ADGRD1: variants seen among roughly 807,000 people sequenced by gnomAD.
ADGRD1 encodes G-protein coupled receptor 133.
ADGRD1 carries 77 observed loss-of-function variants against 113.4 expected under a neutral mutation model. The ratio of observed to expected loss-of-function variants is 0.68; its 90% confidence interval spans 0.57 to 0.82. The LOEUF is 0.82. Among genes scored for constraint, ADGRD1 ranks in the 40% least tolerant of loss-of-function variants. ADGRD1 has a pLI of 0.00. For missense variants in ADGRD1, 1,036 were observed against 1,139.1 expected (o/e 0.91, Z 1.30); for synonymous variants, 474 against 475.0 (o/e 1.00, Z 0.03).
rs1192764931 is a variant in ADGRD1, at chr12:131,075,439, AGAG to A, written c.1474-1358_1474-1356del. On this transcript the variant is annotated intron_variant, in intron 13 of 24. Transcript: ENST00000261654. This position sits in a 1 kb window ranked among gnomAD's most constrained non-coding sequence, Gnocchi z 5.3. The stretch of plus-strand genomic sequence containing the variant: ...CAGCAGGCTGTGGCTTTGGGAAGAC[AGAG>A]GAGAAGATGTCTTTTCCAGGCGGTT... Among the ~76,000 whole-genome samples, 24 of 152,338 alleles carry A rather than the reference AGAG, an allele frequency of 1.6e-4. No individual in the cohort carries two copies. The highest frequency in any genetic ancestry group is 2.6e-4 in the Admixed American group (4 of 15,300).
In ADGRD1 at chr12:131,042,698, G is replaced by A. The variant is rs534898162; in HGVS notation, c.1473+28358G>A. ...CTGCGGCTCTGTCTGTCGCAGCCCAGGTGAGCCAGGAGGGGGACGCCGACC... is the reference window on the plus strand; with the variant it reads ...CTGCGGCTCTGTCTGTCGCAGCCCAAGTGAGCCAGGAGGGGGACGCCGACC... On this transcript the variant is annotated intron_variant, in intron 13 of 24. Transcript: ENST00000261654. Among the ~76,000 whole-genome samples, 24 of 152,372 alleles carry A rather than the reference G, an allele frequency of 1.6e-4. No individual in the cohort carries two copies. In the South Asian group the frequency reaches 3.5e-3, roughly 22 times the overall value.
intron 2 of ADGRD1, among the ~76,000 whole-genome samples, chr12:130,961,176 G>A (rs117806493): frequency 0.032 from 4,918 of 152,298 alleles, 128 homozygotes; most frequent in Non-Finnish European, 0.048. Flanking sequence ...AAGTAACAGG[G>A]AAGGAAGAAG....
intron 15 of ADGRD1, among the ~76,000 whole-genome samples, chr12:131,103,041 C>T (rs2137314415): frequency 6.6e-6 from 1 of 152,370 alleles, no homozygotes; most frequent in South Asian, 2.1e-4. Context: ...ATTCTTCCGT[C>T]TCCCTGGCCC....
At chr12:130,995,518 G>A (rs575812401) in intron 8 of ADGRD1, among the ~76,000 whole-genome samples, 4 of 152,312 alleles carry the variant, frequency 2.6e-5, no homozygotes, top group South Asian at 4.1e-4. Context: ...AAAGGAAATG[G>A]ATGGCATGGG....
intron 13 of ADGRD1, among the ~76,000 whole-genome samples, chr12:131,051,044 C>T (rs895483419): frequency 3.3e-5 from 5 of 152,162 alleles, no homozygotes; most frequent in African/African-American, 1.2e-4. Flanking sequence ...GAACACCGCC[C>T]GCATGATCCA....
intron 13 of ADGRD1, among the ~76,000 whole-genome samples, chr12:131,076,304 A>C (rs1399718884): frequency 6.6e-6 from 1 of 152,214 alleles, no homozygotes; most frequent in Non-Finnish European, 1.5e-5. Flanking sequence ...TGGACAGTGG[A>C]TATGTAATAT....
chr12:130,986,798 A>T, intron 5 of ADGRD1: 4 of 360,176 alleles, frequency 1.1e-5, no homozygotes, highest in Non-Finnish European at 1.5e-5. Flanking sequence ...TTTTTCAAAT[A>T]TTTTAATCAC....
chr12:131,105,588 T>C (rs1481358440), intron 16 of ADGRD1, among the ~76,000 whole-genome samples, 166 bp from the exon 17 acceptor site: 1 of 152,086 alleles, frequency 6.6e-6, no homozygotes, highest in Non-Finnish European at 1.5e-5. Context: ...TGGGGTCAGA[T>C]CCAAGAGCAA....
chr12:131,013,649 G>A (rs1273241450), intron 12 of ADGRD1, among the ~76,000 whole-genome samples: 2 of 152,200 alleles, frequency 1.3e-5, no homozygotes, highest in African/African-American at 2.4e-5. Context: ...AGCGGGGAAG[G>A]GGATGGCCAC....
At chr12:131,000,200 G>T (rs951155285) in intron 8 of ADGRD1, among the ~76,000 whole-genome samples, 183 bp from the exon 9 acceptor site, 1 of 152,214 alleles carries the variant, frequency 6.6e-6, no homozygotes, top group Admixed American at 6.5e-5. Flanking sequence ...ATAAGATAAC[G>T]TCCATAAAAG....
chr12:131,042,130 T>A (rs557320172), intron 13 of ADGRD1, among the ~76,000 whole-genome samples: 4 of 152,350 alleles, frequency 2.6e-5, no homozygotes, highest in African/African-American at 9.6e-5. Context: ...ACAGGGATAT[T>A]TTTTTACAGA....
At chr12:131,011,166 C>T (rs1400616615) in intron 12 of ADGRD1, among the ~76,000 whole-genome samples, 1 of 130,394 alleles carries the variant, frequency 7.7e-6, no homozygotes, top group Non-Finnish European at 1.6e-5. Context: ...CCCCACCCTG[C>T]CCCACCTCAC....
At chr12:131,133,396 C>G (rs1026815817) in intron 21 of ADGRD1, among the ~76,000 whole-genome samples, 1 of 152,376 alleles carries the variant, frequency 6.6e-6, no homozygotes, top group African/African-American at 2.4e-5. Flanking sequence ...CAGGAAGCAG[C>G]TTCTGTCCAC....
At chr12:130,959,364 G>T (rs1870083681) in intron 2 of ADGRD1, among the ~76,000 whole-genome samples, 1 of 152,098 alleles carries the variant, frequency 6.6e-6, no homozygotes, top group African/African-American at 2.4e-5. Flanking sequence ...TTGAGCCCAG[G>T]AATTCAAGAC....
rs1950334653 is a variant in ADGRD1, at chr12:130,966,338, C to T, written c.104-125C>T. 1 of 612,050 alleles carries T rather than the reference C, an allele frequency of 1.6e-6. No homozygotes were observed. Among genetic ancestry groups the T allele is most frequent in the African/African-American group, 1.8e-5 (1 of 54,222 alleles). The allele number at this position is 612,050 out of a possible 1,614,324, so 37.9% of individuals were successfully genotyped here. A position where few individuals can be genotyped will look rare whatever the true frequency, so the allele number is the denominator to read the frequency against. On this transcript the variant is annotated intron_variant, in intron 2 of 24. Transcript: ENST00000261654. This position sits in a 1 kb window ranked among gnomAD's most constrained non-coding sequence, Gnocchi z 4.6. The stretch of plus-strand genomic sequence containing the variant: ...TGTTGAATTTTATTAAATATGCTTT[C>T]AGTATCTCCCACAGACATGGGATCC...
At chr12:131,119,520 CG>C (rs1309402587) in intron 19 of ADGRD1, among the ~76,000 whole-genome samples, 2 of 152,208 alleles carry the variant, frequency 1.3e-5, no homozygotes, top group East Asian at 3.9e-4. Flanking sequence ...TCCTGAGTCC[CG>C]GGGTCTGACC....
In ADGRD1 at chr12:131,003,088, C is replaced by T. The variant is rs1593335566; in HGVS notation, c.1027-97C>T. On this transcript the variant is annotated intron_variant, in intron 9 of 24. Coordinates refer to ENST00000261654, the MANE Select transcript of ADGRD1 (RefSeq NM_198827.5). This position sits in a 1 kb window ranked among gnomAD's most constrained non-coding sequence, Gnocchi z 4.8. ...TGACTTCTTCCTCCCTCGTGGCCAA[C>T]GTGGGGAAACTTGATTTTGTGTGCC... is the stretch of plus-strand genomic sequence containing the variant. 17 of 982,886 alleles carry T rather than the reference C, an allele frequency of 1.7e-5. No individual in the cohort carries two copies. Among genetic ancestry groups the T allele is most frequent in the East Asian group, 1.2e-4 (5 of 41,772 alleles). The allele number at this position is 982,886 out of a possible 1,614,324, so 60.9% of individuals were successfully genotyped here. A position where few individuals can be genotyped will look rare whatever the true frequency, so the allele number is the denominator to read the frequency against.
intron 13 of ADGRD1, among the ~76,000 whole-genome samples, chr12:131,062,666 G>A (rs567177376): frequency 6.6e-6 from 1 of 152,072 alleles, no homozygotes; most frequent in East Asian, 1.9e-4. Flanking sequence ...ATGTAAGACC[G>A]GACTTTGCTC....
intron 20 of ADGRD1, among the ~76,000 whole-genome samples, chr12:131,124,722 C>G (rs1316153949): frequency 6.6e-6 from 1 of 151,998 alleles, no homozygotes; most frequent in Non-Finnish European, 1.5e-5. Flanking sequence ...CCCACCGCCC[C>G]TTCTCGAATT....
Sources: allele counts gnomAD v4.1 joint callset (sites outside exome capture counted in the v4.1 genomes callset), GRCh38; gene constraint gnomAD v4.1.1; non-coding constraint Gnocchi (gnomAD v3.1); transcripts MANE v1.5; gene names NCBI Gene and HGNC (gene_info 2026-07-23, HGNC 2026-07-21).